PPARGC1A: variants seen among roughly 807,000 people sequenced by gnomAD.
PPARGC1A encodes peroxisome proliferator-activated receptor gamma coactivator 1-alpha.
A neutral mutation model predicts 88.7 loss-of-function variants in PPARGC1A; 25 were observed. That is an observed-to-expected ratio of 0.28 (90% CI 0.21 to 0.39). The LOEUF is 0.39. Ranked by LOEUF, PPARGC1A falls within the 10% of genes least tolerant of loss-of-function variation. The pLI is 1.00. For missense variants in PPARGC1A, 880 were observed against 968.7 expected, an observed-to-expected ratio of 0.91 and a Z score of 1.22; for synonymous variants, 363 against 355.6, an observed-to-expected ratio of 1.02 and a Z score of -0.24.
chr4:23,826,580 C>T (rs1035363928), intron 5 of PPARGC1A, among the ~76,000 whole-genome samples: 2 of 152,114 alleles, frequency 1.3e-5, no homozygotes, highest in Admixed American at 1.3e-4. Context: ...TCCTAGTTAT[C>T]TCTAATTGTT....
the PPARGC1A span, among the ~76,000 whole-genome samples, chr4:23,916,436 C>G: frequency 1.3e-5 from 2 of 152,148 alleles, no homozygotes; most frequent in African/African-American, 2.4e-5. Context: ...TTAGCATTTT[C>G]CTGTATAAAT....
chr4:23,877,245 A>C (rs1173510444), intron 2 of PPARGC1A, among the ~76,000 whole-genome samples: 2 of 151,558 alleles, frequency 1.3e-5, no homozygotes, highest in East Asian at 3.9e-4. Context: ...GGCCGGGTGC[A>C]GTGGCTCACG....
At chr4:23,902,806 T>C (rs1201425269), upstream of PPARGC1A, among the ~76,000 whole-genome samples, 2 of 152,202 alleles carry the variant, frequency 1.3e-5, no homozygotes, top group Non-Finnish European at 2.9e-5. Flanking sequence ...GTTGTTGCAT[T>C]TATAATGTAG....
chr4:23,943,566 T>C, the PPARGC1A span, among the ~76,000 whole-genome samples: 1 of 152,152 alleles, frequency 6.6e-6, no homozygotes, highest in Non-Finnish European at 1.5e-5. Context: ...GGTGAATCGG[T>C]TGTGGAACAT....
intron 2 of PPARGC1A, among the ~76,000 whole-genome samples, chr4:23,844,742 C>CATAATATATGATATATATTATA (rs1553889203): frequency 0.044 from 1,040 of 23,696 alleles, 47 homozygotes; most frequent in Admixed American, 0.065. Context: ...TATGATATAT[C>CATAATATATGATATATATTATA]ATAATATATG....
chr4:23,957,181 C>T, the PPARGC1A span, among the ~76,000 whole-genome samples: 3 of 152,090 alleles, frequency 2.0e-5, no homozygotes, highest in South Asian at 2.1e-4. Flanking sequence ...CTACAACCCT[C>T]ATTAGTCATC....
the PPARGC1A span, among the ~76,000 whole-genome samples, chr4:24,339,237 T>TACACACACACACACAC: frequency 3.8e-5 from 4 of 104,310 alleles, no homozygotes; most frequent in African/African-American, 8.0e-5. Context: ...TATATATATA[T>TACACACACACACACAC]ACACACACAC....
the PPARGC1A span, among the ~76,000 whole-genome samples, chr4:24,309,482 G>A: frequency 6.6e-6 from 1 of 152,154 alleles, no homozygotes; most frequent in Admixed American, 6.5e-5. Context: ...ATCACAAATG[G>A]CGATGTGGAC....
At chr4:24,433,547 T>A in the PPARGC1A span, among the ~76,000 whole-genome samples, 1 of 152,208 alleles carries the variant, frequency 6.6e-6, no homozygotes, top group African/African-American at 2.4e-5. Flanking sequence ...AAAGCTCCTT[T>A]CTACAGGCTT....
the PPARGC1A span, among the ~76,000 whole-genome samples, chr4:24,264,417 C>G: frequency 1.3e-5 from 2 of 152,130 alleles, no homozygotes; most frequent in African/African-American, 4.8e-5. Flanking sequence ...CCACCAAGGG[C>G]CCACAGGAGC....
the PPARGC1A span, among the ~76,000 whole-genome samples, chr4:24,362,226 T>A: frequency 6.6e-6 from 1 of 152,188 alleles, no homozygotes; most frequent in Non-Finnish European, 1.5e-5. Context: ...TTTTTCTGAA[T>A]GTATGTCTCT....
chr4:24,113,177 T>A, the PPARGC1A span, among the ~76,000 whole-genome samples: 1 of 152,164 alleles, frequency 6.6e-6, no homozygotes. Flanking sequence ...CATGTCTGAT[T>A]TATTTATCTC....
the PPARGC1A span, among the ~76,000 whole-genome samples, chr4:24,150,263 T>G: frequency 1.3e-5 from 2 of 152,152 alleles, no homozygotes; most frequent in South Asian, 2.1e-4. Context: ...AGAGACCAAC[T>G]CACTGTGGGA....
chr4:24,405,837 T>A, the PPARGC1A span, among the ~76,000 whole-genome samples: 1 of 152,190 alleles, frequency 6.6e-6, no homozygotes, highest in Non-Finnish European at 1.5e-5. Context: ...TCTACATGTT[T>A]TCTTCACTCT....
At chr4:24,315,430 G>A in the PPARGC1A span, among the ~76,000 whole-genome samples, 4 of 152,130 alleles carry the variant, frequency 2.6e-5, no homozygotes, top group African/African-American at 9.7e-5. Flanking sequence ...TATGCATAGC[G>A]TTAGGTGCCA....
intron 2 of PPARGC1A, among the ~76,000 whole-genome samples, chr4:23,874,102 C>T (rs1196739055): frequency 1.3e-5 from 2 of 152,186 alleles, no homozygotes; most frequent in Non-Finnish European, 2.9e-5. Flanking sequence ...TCAACATTAT[C>T]GCAAGCCAGA....
upstream of PPARGC1A, among the ~76,000 whole-genome samples, chr4:23,906,082 TCTAA>T (rs1256679232): frequency 6.6e-6 from 1 of 152,178 alleles, no homozygotes; most frequent in African/African-American, 2.4e-5. Context: ...AACAAGTGTC[TCTAA>T]ATTTGATCTG....
At chr4:24,054,677 T>C in the PPARGC1A span, among the ~76,000 whole-genome samples, 1 of 152,216 alleles carries the variant, frequency 6.6e-6, no homozygotes, top group Non-Finnish European at 1.5e-5. Context: ...TATATTAACA[T>C]ACTTTTTTAA....
chr4:23,888,495 G>A (rs1416330067), intron 1 of PPARGC1A, among the ~76,000 whole-genome samples: 1 of 152,072 alleles, frequency 6.6e-6, no homozygotes, highest in Non-Finnish European at 1.5e-5. Flanking sequence ...AGGACACTCC[G>A]GCTACTCAAA....
Sources: allele counts gnomAD v4.1 joint callset (sites outside exome capture counted in the v4.1 genomes callset), GRCh38; gene constraint gnomAD v4.1.1; transcripts MANE v1.5; gene names NCBI Gene and HGNC (gene_info 2026-07-23, HGNC 2026-07-21).